NT5C3A: variants seen among roughly 807,000 people sequenced by gnomAD.
NT5C3A encodes cytosolic 5'-nucleotidase 3A.
In NT5C3A, 23 loss-of-function variants were observed where a neutral mutation model predicts 40.0. That is an observed-to-expected ratio of 0.58 (90% CI 0.41 to 0.81). The LOEUF (loss-of-function observed/expected upper bound fraction) is 0.81, where lower values mean the gene tolerates loss of function less well. Among genes scored for constraint, NT5C3A ranks in the 40% least tolerant of loss-of-function variants. NT5C3A has a pLI of 0.00. For missense variants in NT5C3A, 328 were observed against 403.0 expected, an observed-to-expected ratio of 0.81 and a Z score of 1.59; for synonymous variants, 130 against 141.4, an observed-to-expected ratio of 0.92 and a Z score of 0.57.
intron 1 of NT5C3A, 60 bp from the exon 2 acceptor site, chr7:33,026,975 A>G (rs1785979996): frequency 8.8e-7 from 1 of 1,131,126 alleles, no homozygotes. Context: ...GGTTCCTTTG[A>G]TACCAAGCAG....
intron 1 of NT5C3A, chr7:33,046,075 G>A (rs186218088): frequency 6.6e-6 from 1 of 152,346 alleles, no homozygotes; most frequent in East Asian, 1.9e-4. Context: ...ATAGGCGCTA[G>A]GCCAGTACGC....
At chr7:33,024,441 A>AT (rs1562589834) in intron 2 of NT5C3A, among the ~76,000 whole-genome samples, 1 of 12,446 alleles carries the variant, frequency 8.0e-5, no homozygotes, top group South Asian at 1.4e-3. Flanking sequence ...CTTAAGTGAA[A>AT]TAAGACAGGC....
chr7:33,039,702 G>A (rs10085768), intron 1 of NT5C3A, among the ~76,000 whole-genome samples: 109,834 of 151,408 alleles, frequency 0.73, 40,090 homozygotes, highest in African/African-American at 0.79. Flanking sequence ...TCAACTCAGC[G>A]GTGGGGAAAA....
chr7:33,042,418 C>T (rs988304564), intron 1 of NT5C3A, among the ~76,000 whole-genome samples: 1 of 152,072 alleles, frequency 6.6e-6, no homozygotes, highest in Non-Finnish European at 1.5e-5. Flanking sequence ...TTTGACACTG[C>T]TATCTTATTT....
intron 4 of NT5C3A, among the ~76,000 whole-genome samples, chr7:33,021,644 T>G (rs1462314383): frequency 6.6e-6 from 1 of 152,170 alleles, no homozygotes; most frequent in Non-Finnish European, 1.5e-5. Context: ...TAAATTTGAT[T>G]CACATTTCAA....
intron 1 of NT5C3A, among the ~76,000 whole-genome samples, chr7:33,027,298 G>A (rs564604267): frequency 7.9e-5 from 12 of 152,244 alleles, no homozygotes; most frequent in Non-Finnish European, 1.2e-4. Flanking sequence ...TTGAACTCCT[G>A]GCCTCAAGCA....
chr7:33,049,427 C>A (rs557640258), intron 1 of NT5C3A, among the ~76,000 whole-genome samples: 2 of 152,200 alleles, frequency 1.3e-5, no homozygotes, highest in African/African-American at 4.8e-5. Context: ...CAAAGACCAC[C>A]CCATTCCCTT....
chr7:33,016,069 A>G (rs1024653892), intron 7 of NT5C3A, 199 bp from the exon 8 acceptor site: 2 of 574,270 alleles, frequency 3.5e-6, no homozygotes, highest in African/African-American at 3.8e-5. Context: ...GATTTTTTAG[A>G]TACTATTTTA....
chr7:33,029,308 G>T, intron 1 of NT5C3A: 4 of 190,402 alleles, frequency 2.1e-5, no homozygotes, highest in Non-Finnish European at 4.3e-5. Flanking sequence ...TGTCTACTTT[G>T]TGCCACACAC....
chr7:33,036,698 T>G (rs959431675), intron 1 of NT5C3A, among the ~76,000 whole-genome samples: 1 of 152,202 alleles, frequency 6.6e-6, no homozygotes, highest in Non-Finnish European at 1.5e-5. Context: ...GCATTGCTAC[T>G]ACCGAATCAA....
intron 1 of NT5C3A, among the ~76,000 whole-genome samples, chr7:33,033,244 A>G (rs977618133): frequency 2.0e-5 from 3 of 152,226 alleles, no homozygotes; most frequent in Admixed American, 1.3e-4. Context: ...AGTAGGCACT[A>G]GAGTTTTTAT....
rs1328117425 is a variant in NT5C3A, at chr7:33,022,107, T to C, written c.308-8A>G. On this transcript the variant is annotated splice_region_variant and splice_polypyrimidine_tract_variant and intron_variant, in intron 3 of 8. Transcript: ENST00000610140. ...TACAGTTGTCAATGATATCTAAAGATAGAAAGCAAAATAAGCATTAAAAGA... is the reference window on the plus strand; with the variant it reads ...TACAGTTGTCAATGATATCTAAAGACAGAAAGCAAAATAAGCATTAAAAGA... 3 of 1,435,342 alleles carry C rather than the reference T, an allele frequency of 2.1e-6. No homozygotes were observed. Among genetic ancestry groups the C allele is most frequent in the South Asian group, 1.1e-5 (1 of 87,126 alleles). 88.9% of individuals were successfully genotyped at this position (1,435,342 alleles called of 1,614,324 possible).
intron 8 of NT5C3A, 86 bp downstream of exon 8, chr7:33,015,584 C>T: frequency 2.3e-6 from 2 of 858,626 alleles, no homozygotes; most frequent in Non-Finnish European, 3.8e-6. Context: ...AAAATAACTA[C>T]TTTCTCAGGT....
intron 1 of NT5C3A, among the ~76,000 whole-genome samples, chr7:33,042,391 C>A (rs1005883291): frequency 6.6e-6 from 1 of 152,034 alleles, no homozygotes; most frequent in Non-Finnish European, 1.5e-5. Flanking sequence ...AAATTTGTAT[C>A]TACCAAACGT....
intron 7 of NT5C3A, among the ~76,000 whole-genome samples, chr7:33,016,233 G>GT (rs1055430830): frequency 1.2e-4 from 18 of 152,072 alleles, no homozygotes; most frequent in African/African-American, 4.3e-4. Flanking sequence ...AATTAGCCAG[G>GT]TTTGGTGGCA....
intron 1 of NT5C3A, among the ~76,000 whole-genome samples, chr7:33,054,010 C>T (rs896120454): frequency 2.0e-4 from 30 of 152,232 alleles, no homozygotes; most frequent in African/African-American, 6.5e-4. Context: ...AACATTTCCA[C>T]GTTTACAAAT....
Sources: allele counts gnomAD v4.1 joint callset (sites outside exome capture counted in the v4.1 genomes callset), GRCh38; gene constraint gnomAD v4.1.1; transcripts MANE v1.5; gene names NCBI Gene and HGNC (gene_info 2026-07-23, HGNC 2026-07-21).